Variants in NKAIN2 observed in about 807,000 individuals in gnomAD.
NKAIN2 encodes the protein sodium/potassium-transporting ATPase subunit beta-1-interacting protein 2.
NKAIN2 carries 14 observed loss-of-function variants against 32.6 expected under a neutral mutation model. The observed-to-expected ratio is 0.43, with a 90% confidence interval of 0.28 to 0.67. NKAIN2 has a LOEUF of 0.67. NKAIN2 is among the 30% of genes least tolerant of loss of function. The pLI, the probability that NKAIN2 is intolerant of heterozygous loss-of-function variation, is 0.17. For synonymous variants in NKAIN2, 80 were observed against 87.2 expected (o/e 0.92, Z 0.46); for missense variants, 198 against 258.3 (o/e 0.77, Z 1.60).
At chr6:124,009,793 C>T (rs1046242129) in intron 1 of NKAIN2, among the ~76,000 whole-genome samples, 18 of 152,082 alleles carry the variant, frequency 1.2e-4, no homozygotes, top group South Asian at 4.1e-4. Context: ...TGATTCCTAA[C>T]GGTTTTTAGA....
rs558888365 is a variant in NKAIN2, at chr6:124,332,107, G to C, written c.193-23160G>C. Among the ~76,000 whole-genome samples, 7 of 152,010 alleles carry C rather than the reference G, an allele frequency of 4.6e-5. No individual in the cohort carries two copies. In the South Asian group the frequency reaches 1.5e-3, roughly 31 times the overall value. On this transcript the variant is annotated intron_variant, in intron 2 of 6. Coordinates refer to ENST00000368417, the MANE Select transcript of NKAIN2 (RefSeq NM_001040214.3). ...ATATAGGCTTACCTTCTGAATCAAG[G>C]CCTTAGTTTTTAAGTGCAAACTTTG...
intron 1 of NKAIN2, among the ~76,000 whole-genome samples, chr6:124,136,023 A>G (rs1488765282): frequency 6.6e-6 from 1 of 152,150 alleles, no homozygotes; most frequent in African/African-American, 2.4e-5. Context: ...AAAAGCAATA[A>G]CAAAGATCAG....
At chr6:124,130,328 G>A (rs1170824638) in intron 1 of NKAIN2, among the ~76,000 whole-genome samples, 2 of 152,140 alleles carry the variant, frequency 1.3e-5, no homozygotes, top group Non-Finnish European at 2.9e-5. Context: ...AAACACAGTG[G>A]CCTTATGATT....
chr6:124,479,356 A>G (rs1488094516), intron 3 of NKAIN2, among the ~76,000 whole-genome samples: 1 of 152,212 alleles, frequency 6.6e-6, no homozygotes, highest in Admixed American at 6.5e-5. Flanking sequence ...TTGTGGGTAT[A>G]TGGCAACTCT....
At chr6:124,595,784 G>A (rs571569647) in intron 3 of NKAIN2, among the ~76,000 whole-genome samples, 3 of 152,250 alleles carry the variant, frequency 2.0e-5, no homozygotes, top group Middle Eastern at 3.4e-3. Context: ...GTAGTGCAGC[G>A]ATTACAGCAG....
At chr6:124,082,232 G>A (rs1412882253) in intron 1 of NKAIN2, among the ~76,000 whole-genome samples, 1 of 152,032 alleles carries the variant, frequency 6.6e-6, no homozygotes, top group Non-Finnish European at 1.5e-5. Context: ...TCTTTCCACT[G>A]TATTCTTATG....
At chr6:124,636,061 A>C (rs1783761859) in intron 3 of NKAIN2, among the ~76,000 whole-genome samples, 1 of 152,018 alleles carries the variant, frequency 6.6e-6, no homozygotes, top group African/African-American at 2.4e-5. Context: ...AGTCTCAGCA[A>C]ATTTTTAAAA....
chr6:123,841,672 G>C (rs1021064700), intron 1 of NKAIN2, among the ~76,000 whole-genome samples: 2 of 152,112 alleles, frequency 1.3e-5, no homozygotes, highest in Admixed American at 1.3e-4. Flanking sequence ...ATGGTCACGG[G>C]AACCACTTCA....
intron 1 of NKAIN2, among the ~76,000 whole-genome samples, chr6:124,131,146 GTTGT>G (rs1786455416): frequency 2.0e-5 from 3 of 151,998 alleles, no homozygotes; most frequent in Admixed American, 1.3e-4. Context: ...TGTTGTTGTT[GTTGT>G]TTGTTTGTTT....
chr6:124,388,957 C>T (rs556489036), intron 3 of NKAIN2, among the ~76,000 whole-genome samples: 4 of 151,992 alleles, frequency 2.6e-5, no homozygotes, highest in Admixed American at 6.6e-5. Context: ...TCAGAAAACA[C>T]GTATGTGTTT....
chr6:124,024,139 A>G (rs1032422651), intron 1 of NKAIN2, among the ~76,000 whole-genome samples: 1 of 152,194 alleles, frequency 6.6e-6, no homozygotes, highest in African/African-American at 2.4e-5. Flanking sequence ...TGGTATGTAC[A>G]AGAAAAAAGA....
At chr6:124,533,134 T>C (rs1779586355) in intron 3 of NKAIN2, among the ~76,000 whole-genome samples, 2 of 152,120 alleles carry the variant, frequency 1.3e-5, no homozygotes, top group Admixed American at 1.3e-4. Context: ...TACTATTTTT[T>C]ATCTAGGACA....
intron 4 of NKAIN2, among the ~76,000 whole-genome samples, chr6:124,771,209 A>G (rs1778736886): frequency 6.6e-6 from 1 of 152,176 alleles, no homozygotes; most frequent in Non-Finnish European, 1.5e-5. Flanking sequence ...AAGTAGAACA[A>G]AAAGTGTTGT....
At chr6:123,876,578 A>G (rs1300257915) in intron 1 of NKAIN2, among the ~76,000 whole-genome samples, 1 of 152,206 alleles carries the variant, frequency 6.6e-6, no homozygotes, top group African/African-American at 2.4e-5. Flanking sequence ...TAAAAGCCTA[A>G]GAACTGATGA....
At chr6:123,941,032 A>T (rs971459244) in intron 1 of NKAIN2, among the ~76,000 whole-genome samples, 5 of 151,736 alleles carry the variant, frequency 3.3e-5, no homozygotes, top group Non-Finnish European at 7.4e-5. Context: ...CTATTTTAAA[A>T]TTTTTATTTT....
chr6:124,457,577 A>G (rs1283262761), intron 3 of NKAIN2, among the ~76,000 whole-genome samples: 2 of 151,936 alleles, frequency 1.3e-5, no homozygotes, highest in Non-Finnish European at 2.9e-5. Context: ...GATCATCTCT[A>G]AGTCCCTTTT....
intron 1 of NKAIN2, among the ~76,000 whole-genome samples, chr6:124,222,042 T>C (rs1453035214): frequency 1.3e-5 from 2 of 152,160 alleles, no homozygotes; most frequent in Non-Finnish European, 2.9e-5. Flanking sequence ...TAGATTACCA[T>C]TAAATATTTT....
intron 1 of NKAIN2, among the ~76,000 whole-genome samples, chr6:124,138,649 A>G (rs1203098636): frequency 1.9e-5 from 2 of 103,764 alleles, no homozygotes; most frequent in Non-Finnish European, 3.8e-5. Context: ...AATTATTATT[A>G]ATAATTATGT....
intron 3 of NKAIN2, among the ~76,000 whole-genome samples, chr6:124,523,682 A>G (rs978888854): frequency 1.3e-5 from 2 of 152,126 alleles, no homozygotes; most frequent in African/African-American, 2.4e-5. Flanking sequence ...AGGGGAAACT[A>G]TGCTCTGTCC....
Sources: gnomAD v4.1 joint callset for allele counts (sites outside exome capture counted in the v4.1 genomes callset) on GRCh38, gnomAD v4.1.1 for gene constraint, MANE v1.5 for transcripts, NCBI Gene and HGNC (gene_info 2026-07-23, HGNC 2026-07-21) for gene names.